Variants in SHC3 observed in about 807,000 individuals in gnomAD.
The protein encoded by SHC3 is SHC adaptor protein 3.
In SHC3, 15 loss-of-function variants were observed where a neutral mutation model predicts 60.4. The observed-to-expected ratio is 0.25, with a 90% CI of 0.17 to 0.38. SHC3 has a LOEUF of 0.38. Among genes scored for constraint, SHC3 ranks in the 10% least tolerant of loss-of-function variants. SHC3 has a pLI of 1.00. For synonymous variants in SHC3, 294 were observed against 325.9 expected (o/e 0.90, Z 1.05); for missense variants, 677 against 786.1 (o/e 0.86, Z 1.66).
intron 2 of SHC3, chr9:89,109,379 A>T: frequency 1.0e-6 from 1 of 971,192 alleles, no homozygotes; most frequent in Non-Finnish European, 1.2e-6. Flanking sequence ...ACCCAGGCTC[A>T]TGCACACAGA....
intron 1 of SHC3, among the ~76,000 whole-genome samples, chr9:89,137,457 A>C (rs968106771): frequency 6.6e-6 from 1 of 152,122 alleles, no homozygotes; most frequent in Non-Finnish European, 1.5e-5. Flanking sequence ...AAAAATCCCA[A>C]ATCTTAAGAA....
rs185390781 is a variant in SHC3 at position 89,090,706 on chromosome 9, G to C, written c.546-12803C>G. 2.0e-3 allele frequency among the ~76,000 whole-genome samples: 303 copies of C among 152,326 alleles called. 3 individuals carry two copies. The highest frequency in any genetic ancestry group is 3.4e-3 in the Non-Finnish European group (233 of 68,038). On this transcript the variant is annotated intron_variant, in intron 2 of 11. Coordinates refer to ENST00000375835, the MANE Select transcript of SHC3 (RefSeq NM_016848.6). ...GGTGCAGCCACAGAGAAAGGGGAGTGAGTGGCCTGCAGAAGGACCCACAAC... is the reference window on the plus strand; with the variant it reads ...GGTGCAGCCACAGAGAAAGGGGAGTCAGTGGCCTGCAGAAGGACCCACAAC...
intron 6 of SHC3, among the ~76,000 whole-genome samples, chr9:89,053,280 C>T (rs561793370): frequency 6.6e-6 from 1 of 152,350 alleles, no homozygotes; most frequent in African/African-American, 2.4e-5. Flanking sequence ...CCGCGTTGGT[C>T]CCTGCAGTGA....
At chr9:89,014,262 A>G (rs1174924870) in intron 11 of SHC3, among the ~76,000 whole-genome samples, 1 of 151,572 alleles carries the variant, frequency 6.6e-6, no homozygotes, top group African/African-American at 2.4e-5. Context: ...GAGGTTGAAC[A>G]CTCTGCCCTG....
At chr9:89,043,557 C>T (rs888564744) in intron 9 of SHC3, among the ~76,000 whole-genome samples, 2 of 152,232 alleles carry the variant, frequency 1.3e-5, no homozygotes, top group South Asian at 2.1e-4. Flanking sequence ...CACGTGCCAT[C>T]GTGATACCTG....
At chr9:89,021,395 G>A (rs747541038) in intron 11 of SHC3, among the ~76,000 whole-genome samples, 15 of 152,084 alleles carry the variant, frequency 9.9e-5, no homozygotes, top group South Asian at 4.2e-4. Context: ...CAACACCACC[G>A]CACTCAATGT....
intron 7 of SHC3, among the ~76,000 whole-genome samples, chr9:89,049,491 T>C (rs1222800623): frequency 6.6e-6 from 1 of 152,214 alleles, no homozygotes; most frequent in Non-Finnish European, 1.5e-5. Context: ...TTTTTGTGTG[T>C]ATTATCTTAA....
chr9:89,090,636 GAAGA>G (rs1825606846), intron 2 of SHC3, among the ~76,000 whole-genome samples: 1 of 152,204 alleles, frequency 6.6e-6, no homozygotes, highest in Non-Finnish European at 1.5e-5. Context: ...CAGAAATGAT[GAAGA>G]GAGAGGTCAG....
chr9:89,051,538 G>T (rs1464805933), intron 7 of SHC3, among the ~76,000 whole-genome samples: 2 of 152,304 alleles, frequency 1.3e-5, no homozygotes, highest in Admixed American at 6.5e-5. Flanking sequence ...CTTGCTCAGG[G>T]CCACCTGGAA....
chr9:89,148,193 T>C (rs1193909484), intron 1 of SHC3, among the ~76,000 whole-genome samples: 4 of 152,220 alleles, frequency 2.6e-5, no homozygotes, highest in African/African-American at 9.6e-5. Context: ...CATTGTCTGA[T>C]TGCGTTTCTG....
At chr9:89,033,226 T>C (rs1824520436) in intron 11 of SHC3, among the ~76,000 whole-genome samples, 1 of 152,228 alleles carries the variant, frequency 6.6e-6, no homozygotes, top group Admixed American at 6.5e-5. Context: ...ATAATAAATA[T>C]GTTATTAGGA....
chr9:89,073,292 T>C (rs1825303244), intron 4 of SHC3, among the ~76,000 whole-genome samples: 2 of 152,212 alleles, frequency 1.3e-5, no homozygotes, highest in Non-Finnish European at 2.9e-5. Context: ...ATTGTGTGAT[T>C]GTATGTTATC....
intron 1 of SHC3, among the ~76,000 whole-genome samples, chr9:89,138,116 A>G (rs1287262671): frequency 1.3e-5 from 2 of 152,216 alleles, no homozygotes; most frequent in Admixed American, 6.5e-5. Context: ...TTGGGGGACA[A>G]AGAACATGCA....
chr9:89,020,214 A>G (rs1233296281), intron 11 of SHC3, among the ~76,000 whole-genome samples: 1 of 150,690 alleles, frequency 6.6e-6, no homozygotes, highest in Non-Finnish European at 1.5e-5. Flanking sequence ...CCCAAAAGTA[A>G]GGAGAGTGGG....
chr9:89,022,338 C>T (rs1326196121), intron 11 of SHC3, among the ~76,000 whole-genome samples: 1 of 152,146 alleles, frequency 6.6e-6, no homozygotes, highest in Non-Finnish European at 1.5e-5. Flanking sequence ...CTCCCACTTC[C>T]TTCTTCAAAG....
intron 3 of SHC3, among the ~76,000 whole-genome samples, chr9:89,076,076 C>T (rs1167267231): frequency 6.6e-6 from 1 of 152,128 alleles, no homozygotes; most frequent in Non-Finnish European, 1.5e-5. Flanking sequence ...GAGGCCCCAC[C>T]CATGAGATTC....
At chr9:89,157,239 C>T (rs979219948) in intron 1 of SHC3, among the ~76,000 whole-genome samples, 13 of 152,198 alleles carry the variant, frequency 8.5e-5, no homozygotes, top group Admixed American at 6.5e-5. Flanking sequence ...TCTGGATTAT[C>T]GGGTGGCCCA....
chr9:89,038,345 A>T (rs1393384206), intron 10 of SHC3, 57 bp from the exon 11 acceptor site: 20 of 150,008 alleles, frequency 1.3e-4, no homozygotes, highest in East Asian at 0.12. Flanking sequence ...CAAATGATAA[A>T]AAAAAAAAAA....
rs1357904912 is a variant in SHC3, at chr9:89,010,912, G to C, written c.*2535C>G. The C allele has an allele frequency of 6.6e-6, 1 of 152,306 alleles. No homozygotes were observed. The highest frequency in any genetic ancestry group is 1.5e-5 in the Non-Finnish European group (1 of 68,108). 9.4% of individuals were successfully genotyped at this position (152,306 alleles called of 1,614,324 possible). A position where few individuals can be genotyped will look rare whatever the true frequency, so the allele number is the denominator to read the frequency against. ...AGCCAGATGACAACATGGCCTCCAG[G>C]AAGGTGTGGCACCAGCCCCAGCCTC... On this transcript the variant is annotated 3_prime_UTR_variant, in exon 12 of 12. Transcript: ENST00000375835.
Sources: gnomAD v4.1 joint callset for allele counts (sites outside exome capture counted in the v4.1 genomes callset) on GRCh38, gnomAD v4.1.1 for gene constraint, MANE v1.5 for transcripts, NCBI Gene and HGNC (gene_info 2026-07-23, HGNC 2026-07-21) for gene names.